SLC25A40: variants seen among roughly 807,000 people sequenced by gnomAD.
SLC25A40 encodes solute carrier family 25 member 40.
In SLC25A40, 41 loss-of-function variants were observed where a neutral mutation model predicts 46.5. That is an observed-to-expected ratio of 0.88 (90% CI 0.69 to 1.14). The LOEUF is 1.14. SLC25A40 is among the 50% of genes most tolerant of loss of function. The pLI is 0.00. For synonymous variants in SLC25A40, 126 were observed against 127.5 expected (o/e 0.99, Z 0.08); for missense variants, 386 against 393.6 (o/e 0.98, Z 0.16).
intron 6 of SLC25A40, among the ~76,000 whole-genome samples, chr7:87,849,030 A>C (rs557099052): frequency 6.6e-6 from 1 of 152,256 alleles, no homozygotes; most frequent in African/African-American, 2.4e-5. Flanking sequence ...TTTACATTCA[A>C]TATTAACAGT....
chr7:87,862,860 T>C (rs1166506847), intron 1 of SLC25A40, among the ~76,000 whole-genome samples: 2 of 152,124 alleles, frequency 1.3e-5, no homozygotes, highest in African/African-American at 2.4e-5. Flanking sequence ...TTAATAGAAC[T>C]ATCAGATTTC....
intron 10 of SLC25A40, chr7:87,837,089 TAAACTTGA>T (rs1461115524): frequency 1.1e-5 from 2 of 180,890 alleles, no homozygotes; most frequent in Admixed American, 6.2e-5. Context: ...GCTTGTTTCT[TAAACTTGA>T]TGGTAGTTAT....
At chr7:87,859,419 G>T (rs574942079) in intron 2 of SLC25A40, among the ~76,000 whole-genome samples, 74 of 152,118 alleles carry the variant, frequency 4.9e-4, no homozygotes, top group African/African-American at 1.3e-3. Context: ...TCCAGCCTGG[G>T]CAACAGAGCA....
intron 10 of SLC25A40, among the ~76,000 whole-genome samples, chr7:87,840,119 G>A (rs753712578): frequency 6.6e-6 from 1 of 151,704 alleles, no homozygotes. Context: ...GATAATCATG[G>A]AAAATTAAAA....
Position 87,834,253 on chromosome 7 carries a change from TCAGA to T in SLC25A40, c.*1992_*1995del, listed in dbSNP as rs1296061205. 3.3e-5 allele frequency: 5 copies of T among 151,824 alleles called. No individual in the cohort carries two copies. The highest frequency in any genetic ancestry group is 1.3e-4 in the Admixed American group (2 of 15,192). The allele number at this position is 151,824 out of a possible 1,614,324, so 9.4% of individuals were successfully genotyped here. A position where few individuals can be genotyped will look rare whatever the true frequency, so the allele number is the denominator to read the frequency against. On this transcript the variant is annotated 3_prime_UTR_variant, in exon 12 of 12. Coordinates refer to ENST00000341119, the MANE Select transcript of SLC25A40 (RefSeq NM_018843.4). The stretch of plus-strand genomic sequence containing the variant: ...TGCCAATTATAGTTCAATTATTTTA[TCAGA>T]CAGAACTCTGAGAGCAAATTAAAAT...
chr7:87,863,505 C>A (rs964607491), intron 1 of SLC25A40, among the ~76,000 whole-genome samples: 2 of 151,846 alleles, frequency 1.3e-5, no homozygotes, highest in African/African-American at 4.8e-5. Flanking sequence ...GTCAATTGAA[C>A]AATTTTCCTT....
intron 1 of SLC25A40, among the ~76,000 whole-genome samples, chr7:87,875,761 C>CA (rs1452304774): frequency 6.6e-6 from 1 of 152,188 alleles, no homozygotes; most frequent in Non-Finnish European, 1.5e-5. Context: ...AGCCAACTAC[C>CA]CAAGGACACA....
intron 5 of SLC25A40, among the ~76,000 whole-genome samples, chr7:87,852,500 T>C (rs1389807019): frequency 1.3e-5 from 2 of 152,058 alleles, no homozygotes; most frequent in Non-Finnish European, 2.9e-5. Flanking sequence ...GGCGTACAGA[T>C]TGAGGAAGCA....
chr7:87,873,004 T>C (rs1311148948), intron 1 of SLC25A40, among the ~76,000 whole-genome samples: 1 of 152,206 alleles, frequency 6.6e-6, no homozygotes, highest in African/African-American at 2.4e-5. Flanking sequence ...AATTTAACCT[T>C]ACATATAACC....
chr7:87,870,993 C>T (rs573465687), intron 1 of SLC25A40, among the ~76,000 whole-genome samples: 1 of 152,306 alleles, frequency 6.6e-6, no homozygotes, highest in Admixed American at 6.5e-5. Flanking sequence ...GGCACTGTAT[C>T]ATTTCCTCTG....
intron 10 of SLC25A40, 145 bp from the exon 11 acceptor site, chr7:87,836,955 GTT>G: frequency 2.4e-6 from 1 of 421,106 alleles, no homozygotes; most frequent in Non-Finnish European, 4.2e-6. Context: ...GCTACTTTAA[GTT>G]TTATTTTTAA....
chr7:87,866,796 C>A (rs978205994), intron 1 of SLC25A40, among the ~76,000 whole-genome samples: 1 of 152,220 alleles, frequency 6.6e-6, no homozygotes, highest in Non-Finnish European at 1.5e-5. Context: ...CACACCTTTA[C>A]TCAAGGAAAT....
At chr7:87,858,035 C>T (rs1399102969) in intron 3 of SLC25A40, among the ~76,000 whole-genome samples, 2 of 152,134 alleles carry the variant, frequency 1.3e-5, no homozygotes, top group Non-Finnish European at 2.9e-5. Flanking sequence ...TGTCTTATGC[C>T]GTTGAGATAA....
At chr7:87,869,807 A>G (rs1272953322) in intron 1 of SLC25A40, among the ~76,000 whole-genome samples, 2 of 152,214 alleles carry the variant, frequency 1.3e-5, no homozygotes, top group Non-Finnish European at 2.9e-5. Flanking sequence ...TTAAATCTTG[A>G]GTAAATACAT....
At chr7:87,859,310 C>T (rs1838661847) in intron 2 of SLC25A40, among the ~76,000 whole-genome samples, 1 of 151,832 alleles carries the variant, frequency 6.6e-6, no homozygotes, top group Non-Finnish European at 1.5e-5. Context: ...AAAAATTAGC[C>T]AGGTGTCTGT....
intron 4 of SLC25A40, among the ~76,000 whole-genome samples, chr7:87,854,687 C>CT (rs1838576612): frequency 6.6e-6 from 1 of 151,788 alleles, no homozygotes; most frequent in Admixed American, 6.6e-5. Flanking sequence ...TGGCGGGCGC[C>CT]TGTAGTCCCA....
chr7:87,853,587 A>C (rs781067632), intron 5 of SLC25A40, among the ~76,000 whole-genome samples: 1 of 152,234 alleles, frequency 6.6e-6, no homozygotes, highest in Non-Finnish European at 1.5e-5. Context: ...GAAATAATCT[A>C]TATCATGAGC....
rs986279517 is a variant in SLC25A40 at position 87,835,745 on chromosome 7, A to G, written c.*504T>C. 6.6e-6 allele frequency: 1 copy of G among 151,952 alleles called. No homozygotes were observed. The highest frequency in any genetic ancestry group is 1.5e-5 in the Non-Finnish European group (1 of 67,944). The allele number at this position is 151,952 out of a possible 1,614,324, so 9.4% of individuals were successfully genotyped here. A position where few individuals can be genotyped will look rare whatever the true frequency, so the allele number is the denominator to read the frequency against. On this transcript the variant is annotated 3_prime_UTR_variant, in exon 12 of 12. Coordinates refer to ENST00000341119, the MANE Select transcript of SLC25A40 (RefSeq NM_018843.4). ...GGGAGGCGGGAACCTAATGCATTTG[A>G]ATTAAAGGAAACAGGCAATATTTGG...
intron 8 of SLC25A40, 23 bp downstream of exon 8, chr7:87,846,926 G>A (rs1363819137): frequency 6.4e-7 from 1 of 1,559,282 alleles, no homozygotes; most frequent in African/African-American, 1.4e-5. Context: ...AAATTTAGTA[G>A]CTACAAATAA....
Sources: gnomAD v4.1 joint callset for allele counts (sites outside exome capture counted in the v4.1 genomes callset) on GRCh38, gnomAD v4.1.1 for gene constraint, MANE v1.5 for transcripts, NCBI Gene and HGNC (gene_info 2026-07-23, HGNC 2026-07-21) for gene names.